The following KIF24 variants were observed in gnomAD, a reference collection of about 807,000 sequenced individuals.
KIF24 encodes the protein kinesin family member 24, also known as kinesin-like protein KIF24.
In KIF24, 81 loss-of-function variants were observed where a neutral mutation model predicts 118.9. The observed-to-expected ratio is 0.68, with a 90% confidence interval of 0.57 to 0.82. The LOEUF is 0.82. Ranked by LOEUF, KIF24 falls within the 40% of genes least tolerant of loss-of-function variation. The pLI, the probability that KIF24 is intolerant of heterozygous loss-of-function variation, is 0.00. For missense variants in KIF24, 1,560 were observed against 1,661.6 expected (o/e 0.94, Z 1.06); for synonymous variants, 599 against 610.0 (o/e 0.98, Z 0.27).
chr9:34,285,241 A>T (rs948526623), intron 6 of KIF24, among the ~76,000 whole-genome samples: 1 of 152,244 alleles, frequency 6.6e-6, no homozygotes, highest in African/African-American at 2.4e-5. Flanking sequence ...CAAAAAACTA[A>T]TAAAATTAGT....
intron 3 of KIF24, among the ~76,000 whole-genome samples, chr9:34,305,884 G>C (rs971771530): frequency 2.6e-5 from 4 of 152,132 alleles, no homozygotes; most frequent in African/African-American, 9.7e-5. Context: ...GGGATTATAG[G>C]CGTGAGCCAC....
At chr9:34,267,807 T>C (rs971972021) in intron 8 of KIF24, among the ~76,000 whole-genome samples, 4 of 152,156 alleles carry the variant, frequency 2.6e-5, no homozygotes, top group African/African-American at 9.7e-5. Flanking sequence ...GTGGCTGCCA[T>C]AGTGAACAAC....
chr9:34,268,080 T>C (rs1408979048), intron 8 of KIF24, among the ~76,000 whole-genome samples: 1 of 152,220 alleles, frequency 6.6e-6, no homozygotes, highest in African/African-American at 2.4e-5. Flanking sequence ...ATTATAATAC[T>C]TATTGGATAA....
chr9:34,310,288 G>A (rs1315274466), intron 2 of KIF24, among the ~76,000 whole-genome samples: 1 of 152,100 alleles, frequency 6.6e-6, no homozygotes, highest in Non-Finnish European at 1.5e-5. Flanking sequence ...ACATGCCCTT[G>A]TTTTTTAACA....
chr9:34,271,981 C>A (rs1472972925), intron 6 of KIF24, 51 bp from the exon 7 acceptor site: 2 of 1,528,442 alleles, frequency 1.3e-6, no homozygotes, highest in Non-Finnish European at 1.8e-6. Flanking sequence ...ACAAAAGCCT[C>A]TGGCTACTAA....
Position 34,311,206 on chromosome 9 carries a change from G to C in KIF24, c.141C>G (p.Asp47Glu). The change falls in exon 2 of 13, where the codon GAC becomes GAG. Residue 47 changes from aspartate (D) to glutamate (E), a missense_variant. This residue lies in a region of KIF24 where 964 missense variants were observed against 988.0 expected (regional missense o/e 0.98). Coordinates refer to ENST00000402558, the MANE Select transcript of KIF24 (RefSeq NM_194313.4). ...GGAAGAGACGTTTGCGGTCGTTCAT[G>C]TCATGGACTCCTAATTTGGAGTAGT... ...MKDYSKLGVH[D>E]MNDRKRLFQL... The C allele has an allele frequency of 6.2e-7, 1 of 1,613,240 alleles. No homozygotes were observed. Among genetic ancestry groups the C allele is most frequent in the African/African-American group, 1.3e-5 (1 of 75,018 alleles).
In KIF24 at chr9:34,319,574, GT is replaced by G. The variant is rs1440253487; in HGVS notation, c.-25-8204del. On this transcript the variant is annotated intron_variant, in intron 1 of 12. Transcript: ENST00000402558. ...CCGACCACCCCTTCATCTTCCTGGT[GT>G]GGGACACCCAGAGCGGCTCCCTGCT... The G allele has an allele frequency of 2.4e-5, 26 of 1,061,410 alleles. No homozygotes were observed. In the South Asian group the frequency reaches 3.4e-4, roughly 14 times the overall value. 65.7% of individuals were successfully genotyped at this position (1,061,410 alleles called of 1,614,324 possible).
chr9:34,297,995 A>T (rs550385438), intron 3 of KIF24, among the ~76,000 whole-genome samples: 2 of 152,246 alleles, frequency 1.3e-5, no homozygotes, highest in African/African-American at 4.8e-5. Context: ...GAAGAATCTT[A>T]AGATAAAGTA....
chr9:34,300,237 T>TGTG (rs34019364), intron 3 of KIF24, among the ~76,000 whole-genome samples: 71,976 of 151,762 alleles, frequency 0.47, 19,974 homozygotes, highest in South Asian at 0.64. Context: ...CTTTGAAAAA[T>TGTG]GTGGTAAGAT....
At chr9:34,295,416 C>T (rs1349321428) in intron 4 of KIF24, among the ~76,000 whole-genome samples, 3 of 152,222 alleles carry the variant, frequency 2.0e-5, no homozygotes, top group Admixed American at 1.3e-4. Context: ...GTGGCTCACA[C>T]CTATAATCCT....
chr9:34,263,567 A>G (rs539227380), intron 8 of KIF24, among the ~76,000 whole-genome samples: 1 of 152,100 alleles, frequency 6.6e-6, no homozygotes, highest in East Asian at 1.9e-4. Context: ...CAAAATATCT[A>G]TATCCACTTC....
Position 34,256,034 on chromosome 9 carries a change from G to C in KIF24, c.3573C>G (p.Pro1191=), listed in dbSNP as rs1445096179. Residue 1191 remains proline, a synonymous_variant, in exon 11 of 13, where the codon CCC becomes CCG. Transcript: ENST00000402558. ...LDGSWGFPGK[P]FTTIHMGVPH... ...GTACCCCCATATGTATGGTGGTGAAGGGCTTTCCTGGGAAACCCCAGGAGC... is the reference window on the plus strand; with the variant it reads ...GTACCCCCATATGTATGGTGGTGAACGGCTTTCCTGGGAAACCCCAGGAGC... The C allele has an allele frequency of 6.2e-7, 1 of 1,613,974 alleles. No individual in the cohort carries two copies. Among genetic ancestry groups the C allele is most frequent in the East Asian group, 2.2e-5 (1 of 44,874 alleles).
chr9:34,298,620 T>G (rs1390428425), intron 3 of KIF24, among the ~76,000 whole-genome samples: 1 of 151,784 alleles, frequency 6.6e-6, no homozygotes, highest in Admixed American at 6.6e-5. Flanking sequence ...ACACCAGTCT[T>G]AACTGGGGGG....
intron 6 of KIF24, among the ~76,000 whole-genome samples, chr9:34,285,045 C>T (rs753685806): frequency 3.9e-5 from 6 of 151,978 alleles, no homozygotes; most frequent in South Asian, 2.1e-4. Flanking sequence ...AATATTTTAC[C>T]GTGGACAGTG....
chr9:34,256,589 T>G lies in KIF24; in HGVS notation c.3018A>C (p.Thr1006=). 1 of 1,613,906 alleles carries G rather than the reference T, an allele frequency of 6.2e-7. No individual in the cohort carries two copies. Among genetic ancestry groups the G allele is most frequent in the South Asian group, 1.1e-5 (1 of 91,082 alleles). The change falls in exon 11 of 13, where the codon ACA becomes ACC. Residue 1006 remains threonine (T), a synonymous_variant. Transcript: ENST00000402558. The part of the protein sequence containing the change: ...GSPDQRDTVT[T]PLREVSADGP... Reference sequence around the variant, plus strand: ...CGTCTGCACTGACTTCTCTCAGAGGTGTGGTGACTGTGTCTCTTTGGTCTG... The same window carrying G: ...CGTCTGCACTGACTTCTCTCAGAGGGGTGGTGACTGTGTCTCTTTGGTCTG...
intron 1 of KIF24, among the ~76,000 whole-genome samples, chr9:34,321,062 C>T (rs1379197615): frequency 6.6e-6 from 1 of 152,124 alleles, no homozygotes; most frequent in African/African-American, 2.4e-5. Context: ...AGGTAACTAA[C>T]ACTAAAGCAC....
At chr9:34,308,123 C>T (rs1354524603) in intron 2 of KIF24, among the ~76,000 whole-genome samples, 1 of 152,044 alleles carries the variant, frequency 6.6e-6, no homozygotes, top group African/African-American at 2.4e-5. Context: ...TGCACACCAT[C>T]ATGTCTGGCT....
intron 3 of KIF24, among the ~76,000 whole-genome samples, chr9:34,302,653 A>G (rs1836765582): frequency 6.6e-6 from 1 of 150,992 alleles, no homozygotes; most frequent in African/African-American, 2.4e-5. Context: ...TTTAAAAGAG[A>G]CGGAGTTTCA....
At chr9:34,261,948 T>C (rs1835072766) in intron 9 of KIF24, among the ~76,000 whole-genome samples, 1 of 152,170 alleles carries the variant, frequency 6.6e-6, no homozygotes, top group Admixed American at 6.6e-5. Context: ...TTCTTTTCTT[T>C]TTTAAGATGA....
Sources: allele counts gnomAD v4.1 joint callset (sites outside exome capture counted in the v4.1 genomes callset), GRCh38; gene constraint gnomAD v4.1.1; regional missense constraint gnomAD v4.1.1; transcripts MANE v1.5; gene names NCBI Gene and HGNC (gene_info 2026-07-23, HGNC 2026-07-21).